TVP23A: variants seen among roughly 807,000 people sequenced by gnomAD.
The protein encoded by TVP23A is Golgi apparatus membrane protein TVP23 homolog A.
Under a neutral mutation model 31.7 loss-of-function variants are expected in TVP23A, and 21 were observed. The observed-to-expected ratio is 0.66, with a 90% confidence interval of 0.47 to 0.95. The LOEUF is 0.95. TVP23A is among the 40% of genes least tolerant of loss of function. The pLI, the probability that TVP23A is intolerant of heterozygous loss-of-function variation, is 0.00. For missense variants in TVP23A, 279 were observed against 255.6 expected (o/e 1.09, Z -0.62); for synonymous variants, 104 against 96.0 (o/e 1.08, Z -0.49).
At chr16:10,803,268 T>TGTGTGTGTGTGTGTGTGCGTGC (rs1555485954) in intron 2 of TVP23A, among the ~76,000 whole-genome samples, 1 of 151,420 alleles carries the variant, frequency 6.6e-6, no homozygotes. Context: ...TGTGTGTGTG[T>TGTGTGTGTGTGTGTGTGCGTGC]GTGTGTGTGT....
downstream of TVP23A, chr16:10,758,116 C>G: frequency 2.1e-6 from 3 of 1,453,788 alleles, no homozygotes; most frequent in Non-Finnish European, 2.8e-6. Flanking sequence ...TCTGGTCTCA[C>G]CAAGGCTCTT....
In TVP23A at chr16:10,796,583, C is replaced by T. The variant is rs141955276; in HGVS notation, c.90-21487G>A. Among the ~76,000 whole-genome samples the T allele has an allele frequency of 9.4e-3, 1,430 of 152,144 alleles. 25 individuals are homozygous for T. Among genetic ancestry groups the T allele is most frequent in the African/African-American group, 0.033 (1,356 of 41,524 alleles). ...AAGTAGCTGGGACTACAGGCGCCCA[C>T]GACCATGCCCAGCTAATATTTTTTT... On this transcript the variant is annotated intron_variant, in intron 2 of 7. Coordinates refer to ENST00000299866, the MANE Select transcript of TVP23A (RefSeq NM_001079512.4).
chr16:10,761,981 G>T, downstream of TVP23A: 2 of 731,124 alleles, frequency 2.7e-6, no homozygotes, highest in Non-Finnish European at 4.5e-6. Flanking sequence ...ATGGGGCGCT[G>T]GAGCCAGACC....
At chr16:10,816,925 T>TCACACACACA (rs58142989) in intron 2 of TVP23A, among the ~76,000 whole-genome samples, 12 of 145,910 alleles carry the variant, frequency 8.2e-5, no homozygotes, top group South Asian at 4.6e-4. Flanking sequence ...CAGGGAAACT[T>TCACACACACA]CACACACACA....
chr16:10,770,879 A>G (rs1318033310), intron 6 of TVP23A, among the ~76,000 whole-genome samples: 2 of 150,810 alleles, frequency 1.3e-5, no homozygotes, highest in Non-Finnish European at 3.0e-5. Context: ...AAAAAAAAAA[A>G]AAAAAAAAAA....
intron 2 of TVP23A, among the ~76,000 whole-genome samples, chr16:10,778,576 A>C (rs2032220961): frequency 6.6e-6 from 1 of 152,154 alleles, no homozygotes; most frequent in African/African-American, 2.4e-5. Flanking sequence ...GATTCTCCGC[A>C]AACATATTTG....
chr16:10,799,880 AC>A (rs1361553376), intron 2 of TVP23A, among the ~76,000 whole-genome samples: 1 of 152,144 alleles, frequency 6.6e-6, no homozygotes, highest in Non-Finnish European at 1.5e-5. Context: ...GAGGCCCGAG[AC>A]TGACTTTCCA....
chr16:10,796,718 G>T (rs765012294), intron 2 of TVP23A, among the ~76,000 whole-genome samples: 2 of 152,146 alleles, frequency 1.3e-5, no homozygotes, highest in African/African-American at 4.8e-5. Context: ...GATTACAGGC[G>T]TGAGCCACCG....
At chr16:10,796,214 G>A (rs961670122) in intron 2 of TVP23A, among the ~76,000 whole-genome samples, 10 of 151,714 alleles carry the variant, frequency 6.6e-5, no homozygotes, top group Non-Finnish European at 1.2e-4. Context: ...GTAGCCAGGC[G>A]TGATGGTGTG....
At chr16:10,770,420 G>A in intron 6 of TVP23A, 89 bp from the exon 7 acceptor site, 3 of 1,426,972 alleles carry the variant, frequency 2.1e-6, no homozygotes, top group Non-Finnish European at 2.8e-6. Context: ...AACCCACAAA[G>A]TACAGAAAAC....
intron 2 of TVP23A, among the ~76,000 whole-genome samples, chr16:10,816,228 C>CAAAAAAAAAAAAAAAAAAAAAAAAA (rs760801777): frequency 1.4e-5 from 1 of 73,828 alleles, no homozygotes; most frequent in Non-Finnish European, 3.3e-5. Context: ...AACCCTATCT[C>CAAAAAAAAAAAAAAAAAAAAAAAAA]AAAAAAAAAA....
At chr16:10,809,043 C>G (rs2034072666) in intron 2 of TVP23A, among the ~76,000 whole-genome samples, 1 of 152,176 alleles carries the variant, frequency 6.6e-6, no homozygotes, top group Non-Finnish European at 1.5e-5. Flanking sequence ...GAGCTGAGAA[C>G]ATGCCTCTGC....
At chr16:10,758,045 T>A, downstream of TVP23A, 1 of 1,610,172 alleles carries the variant, frequency 6.2e-7, no homozygotes, top group Middle Eastern at 1.7e-4. Flanking sequence ...AGCTGCCAGC[T>A]GGAGCTGGGT....
chr16:10,799,459 G>C (rs780301807), intron 2 of TVP23A, among the ~76,000 whole-genome samples: 4 of 152,098 alleles, frequency 2.6e-5, no homozygotes, highest in Non-Finnish European at 5.9e-5. Context: ...TCAGCCTCCC[G>C]AGTAGCTCGG....
At chr16:10,798,163 G>A (rs868702034) in intron 2 of TVP23A, among the ~76,000 whole-genome samples, 12 of 151,770 alleles carry the variant, frequency 7.9e-5, no homozygotes, top group African/African-American at 2.7e-4. Context: ...GTTTCACCAT[G>A]TTAGCCAGGA....
In TVP23A at chr16:10,816,228, CAAAAAA is replaced by C. The variant is rs760801777; in HGVS notation, c.89+1869_89+1874del. Among the ~76,000 whole-genome samples, 184 of 73,842 alleles carry C rather than the reference CAAAAAA, an allele frequency of 2.5e-3. 1 individual carries two copies. The highest frequency in any genetic ancestry group is 6.4e-3 in the African/African-American group (172 of 26,686). The allele number at this position is 73,842 out of a possible 152,430, so 48.4% of individuals were successfully genotyped here. A position where few individuals can be genotyped will look rare whatever the true frequency, so the allele number is the denominator to read the frequency against. The stretch of plus-strand genomic sequence containing the variant: ...TTGGCAACAGAGCAAAACCCTATCT[CAAAAAA>C]AAAAAAAAAAAAAAGAAATCCAGGT... On this transcript the variant is annotated intron_variant, in intron 2 of 7. Coordinates refer to ENST00000299866, the MANE Select transcript of TVP23A (RefSeq NM_001079512.4).
At position 10,818,631 on chromosome 16, in the gene TVP23A, G is replaced by GGCAGCCTCAGC. The variant is rs542827766; in HGVS notation, c.-149_-139dup. On this transcript the variant is annotated 5_prime_UTR_variant, in exon 1 of 8. Coordinates refer to ENST00000299866, the MANE Select transcript of TVP23A (RefSeq NM_001079512.4). The surrounding 1 kb of genome is among the most constrained non-coding windows in gnomAD (Gnocchi z 4.7). Reference sequence around the variant, plus strand: ...GAGGGTCGGGGCCTGCGCCCTGTGGGGCAGCCTCAGCGCAGCTTCTCGGGT... The same window carrying GGCAGCCTCAGC: ...GAGGGTCGGGGCCTGCGCCCTGTGGGGCAGCCTCAGCGCAGCCTCAGCGCAGCTTCTCGGGT... 4.5e-4 allele frequency: 500 copies of GGCAGCCTCAGC among 1,116,358 alleles called. 4 individuals carry two copies. In the East Asian group the frequency reaches 0.014, roughly 31 times the overall value. 69.2% of individuals were successfully genotyped at this position (1,116,358 alleles called of 1,614,324 possible).
At chr16:10,795,396 G>A (rs772737032) in intron 2 of TVP23A, among the ~76,000 whole-genome samples, 12 of 151,990 alleles carry the variant, frequency 7.9e-5, no homozygotes, top group Non-Finnish European at 7.4e-5. Flanking sequence ...GATTACAGGC[G>A]TGCACTACCA....
At chr16:10,817,633 C>CT (rs1204872014) in intron 2 of TVP23A, among the ~76,000 whole-genome samples, 2 of 152,220 alleles carry the variant, frequency 1.3e-5, no homozygotes, top group African/African-American at 4.8e-5. Context: ...GCTTGCTCCC[C>CT]TCTGGCCTCA....
Sources: allele counts gnomAD v4.1 joint callset (sites outside exome capture counted in the v4.1 genomes callset), GRCh38; gene constraint gnomAD v4.1.1; non-coding constraint Gnocchi (gnomAD v3.1); transcripts MANE v1.5; gene names NCBI Gene and HGNC (gene_info 2026-07-23, HGNC 2026-07-21).